Variants in BANP observed in about 807,000 individuals in gnomAD.
BANP encodes the protein protein BANP.
In BANP, 11 loss-of-function variants were observed where a neutral mutation model predicts 68.1. The ratio of observed to expected loss-of-function variants is 0.16; its 90% CI spans 0.10 to 0.27. The LOEUF is 0.27. Among genes scored for constraint, BANP ranks in the 10% least tolerant of loss-of-function variants. The pLI is 1.00. For synonymous variants in BANP, 329 were observed against 303.2 expected, an observed-to-expected ratio of 1.09 and a Z score of -0.88; for missense variants, 504 against 722.7, an observed-to-expected ratio of 0.70 and a Z score of 3.47.
chr16:88,006,814 C>T (rs11647893), intron 6 of BANP, among the ~76,000 whole-genome samples: 40,282 of 147,630 alleles, frequency 0.27, 6,871 homozygotes, highest in Non-Finnish European at 0.4. Flanking sequence ...TAGTTGGGCA[C>T]GGTGACAGGT....
At position 88,002,772 on chromosome 16, in the gene BANP, A is replaced by T. The variant is rs1008019319; in HGVS notation, c.363-1523A>T. On this transcript the variant is annotated intron_variant, in intron 4 of 13. Transcript: ENST00000682872. The surrounding 1 kb of genome is among the most constrained non-coding windows in gnomAD (Gnocchi z 4.6). Reference sequence around the variant, plus strand: ...CCTTGCCAAATGGTGGCCTGAATACATTTTACTCTATTAAAATTTCTTCTC... The same window carrying T: ...CCTTGCCAAATGGTGGCCTGAATACTTTTTACTCTATTAAAATTTCTTCTC... Among the ~76,000 whole-genome samples, 1 of 152,188 alleles carries T rather than the reference A, an allele frequency of 6.6e-6. No homozygotes were observed. Among genetic ancestry groups the T allele is most frequent in the African/African-American group, 2.4e-5 (1 of 41,436 alleles).
chr16:88,054,586 A>ACAGCACCAGCAC lies in BANP; in HGVS notation c.1312-10667_1312-10656dup, dbSNP rs377637408. ...ACTCCCAGTGCTATCACAGCCATCA[A>ACAGCACCAGCAC]CAGCACCAGCACCAGCACCAGCACC... On this transcript the variant is annotated intron_variant, in intron 11 of 13. Transcript: ENST00000682872. 7.8e-3 allele frequency among the ~76,000 whole-genome samples: 1,181 copies of ACAGCACCAGCAC among 152,286 alleles called. 12 individuals are homozygous for ACAGCACCAGCAC. Among genetic ancestry groups the ACAGCACCAGCAC allele is most frequent in the African/African-American group, 0.027 (1,114 of 41,544 alleles).
At chr16:88,070,240 C>G (rs770856264) in intron 12 of BANP, among the ~76,000 whole-genome samples, 20 of 152,136 alleles carry the variant, frequency 1.3e-4, no homozygotes, top group Non-Finnish European at 2.5e-4. Flanking sequence ...CTGTACATGA[C>G]TTCAGCTGCA....
intron 4 of BANP, among the ~76,000 whole-genome samples, chr16:87,984,986 C>A (rs1298348647): frequency 6.6e-6 from 1 of 152,238 alleles, no homozygotes; most frequent in Non-Finnish European, 1.5e-5. Flanking sequence ...TGGCTGTAGC[C>A]TTCTGCCCGG....
At chr16:87,981,910 C>G (rs73242951) in intron 3 of BANP, among the ~76,000 whole-genome samples, 1 of 152,088 alleles carries the variant, frequency 6.6e-6, no homozygotes, top group Non-Finnish European at 1.5e-5. Context: ...GCAGAGTCAC[C>G]GAGGTAAATA....
intron 3 of BANP, 28 bp from the exon 4 acceptor site, chr16:87,984,032 C>T (rs560298528): frequency 6.2e-7 from 1 of 1,611,958 alleles, no homozygotes; most frequent in South Asian, 1.1e-5. Flanking sequence ...GGAGACCCTT[C>T]CTAAAGCCGG....
At chr16:88,040,539 G>T (rs1347242829) in intron 11 of BANP, among the ~76,000 whole-genome samples, 6 of 137,834 alleles carry the variant, frequency 4.4e-5, no homozygotes, top group African/African-American at 1.7e-4. Flanking sequence ...CCCCGTCCCC[G>T]TGCCTACAGA....
At chr16:87,960,214 G>C (rs1490594319) in intron 1 of BANP, among the ~76,000 whole-genome samples, 2 of 152,192 alleles carry the variant, frequency 1.3e-5, no homozygotes, top group East Asian at 3.9e-4. Context: ...CGAAACACTG[G>C]CCGTGGCAGG....
chr16:87,952,490 A>T (rs2057146430), intron 1 of BANP: 1 of 152,240 alleles, frequency 6.6e-6, no homozygotes, highest in Non-Finnish European at 1.5e-5. Flanking sequence ...TGGAACTCGC[A>T]CTACAGTAAA....
chr16:87,962,349 A>G (rs554830509), intron 1 of BANP, among the ~76,000 whole-genome samples: 1 of 152,018 alleles, frequency 6.6e-6, no homozygotes, highest in Non-Finnish European at 1.5e-5. Context: ...GTTAATATGT[A>G]ATGTGTTAAT....
intron 6 of BANP, among the ~76,000 whole-genome samples, chr16:88,013,685 T>C (rs1228107474): frequency 1.3e-5 from 2 of 152,316 alleles, no homozygotes; most frequent in African/African-American, 4.8e-5. Context: ...TCTCTACACA[T>C]GGGGCCCTCC....
chr16:87,972,471 G>A (rs1325970237), intron 1 of BANP, among the ~76,000 whole-genome samples: 1 of 151,410 alleles, frequency 6.6e-6, no homozygotes, highest in Non-Finnish European at 1.5e-5. Flanking sequence ...TATGTTTCTA[G>A]AATGTTTTCA....
chr16:88,060,086 G>T (rs906303165), intron 11 of BANP, among the ~76,000 whole-genome samples: 28 of 152,276 alleles, frequency 1.8e-4, no homozygotes, highest in African/African-American at 6.8e-4. Context: ...GGGGTGCTCT[G>T]CTGTGGCCGA....
chr16:87,990,338 C>G (rs1373881762), intron 4 of BANP, among the ~76,000 whole-genome samples: 1 of 152,264 alleles, frequency 6.6e-6, no homozygotes, highest in South Asian at 2.1e-4. Context: ...TACAGTATGT[C>G]TTCCAGAGAT....
At chr16:87,994,610 G>A (rs903725972) in intron 4 of BANP, among the ~76,000 whole-genome samples, 12 of 152,044 alleles carry the variant, frequency 7.9e-5, no homozygotes, top group Non-Finnish European at 2.9e-5. Context: ...TTTATCCCTG[G>A]GTATTTTTTG....
intron 1 of BANP, among the ~76,000 whole-genome samples, chr16:87,965,600 G>T (rs895821199): frequency 8.5e-5 from 12 of 140,406 alleles, no homozygotes; most frequent in East Asian, 2.3e-4. Context: ...GGGAGCGTTC[G>T]CATGGCTGGG....
Position 87,975,182 on chromosome 16 carries a change from C to A in BANP, c.67C>A (p.Pro23Thr), listed in dbSNP as rs1294640816. The A allele has an allele frequency of 6.2e-7, 1 of 1,613,872 alleles. No homozygotes were observed. Among genetic ancestry groups the A allele is most frequent in the South Asian group, 1.1e-5 (1 of 91,080 alleles). The stretch of plus-strand genomic sequence containing the variant: ...AGTGGAAGACCTGAGCCCTGACCAC[C>A]CAGGTACAGAGCTGTGGGACAGTAG... ...IAVEDLSPDH[P>T]VVLENHVVTD... Residue 23 changes from proline to threonine, a missense_variant, in exon 2 of 14, where the codon CCA (proline) becomes ACA (threonine). Pro to Thr is a conservative substitution (Grantham distance 38, BLOSUM62 -1). Coordinates refer to ENST00000682872, the MANE Select transcript of BANP (RefSeq NM_001386991.1).
At chr16:88,015,105 CT>C (rs2074202986) in intron 6 of BANP, among the ~76,000 whole-genome samples, 1 of 5,836 alleles carries the variant, frequency 1.7e-4, no homozygotes, top group Non-Finnish European at 5.6e-4. Context: ...CTGCCCGTCC[CT>C]CTGCCTGTCC....
At position 87,953,074 on chromosome 16, in the gene BANP, A is replaced by G. The variant is rs144792484; in HGVS notation, c.-69+1559A>G. 7.9e-3 allele frequency among the ~76,000 whole-genome samples: 1,204 copies of G among 152,206 alleles called. 14 individuals are homozygous for G. Among genetic ancestry groups the G allele is most frequent in the African/African-American group, 0.027 (1,105 of 41,502 alleles). On this transcript the variant is annotated intron_variant, in intron 1 of 13. Transcript: ENST00000682872. ...CATCTCGGGTGCTTCATCATGACCC[A>G]GGAGGCAGAGGCTGCGTCCACTTTA...
Sources: gnomAD v4.1 joint callset for allele counts (sites outside exome capture counted in the v4.1 genomes callset) on GRCh38, gnomAD v4.1.1 for gene constraint, Gnocchi (gnomAD v3.1) non-coding constraint, MANE v1.5 for transcripts, NCBI Gene and HGNC (gene_info 2026-07-23, HGNC 2026-07-21) for gene names.